The following SLC24A3 variants were observed in gnomAD, a reference collection of about 807,000 sequenced individuals.
The protein encoded by SLC24A3 is solute carrier family 24 member 3.
In SLC24A3, 28 loss-of-function variants were observed where a neutral mutation model predicts 75.8. That is an observed-to-expected ratio of 0.37 (90% CI 0.27 to 0.51). The LOEUF is 0.51. Ranked by LOEUF, SLC24A3 falls within the 20% of genes least tolerant of loss-of-function variation. SLC24A3 has a pLI of 0.94. For synonymous variants in SLC24A3, 372 were observed against 334.1 expected, an observed-to-expected ratio of 1.11 and a Z score of -1.24; for missense variants, 663 against 847.8, an observed-to-expected ratio of 0.78 and a Z score of 2.71.
intron 7 of SLC24A3, among the ~76,000 whole-genome samples, chr20:19,655,565 C>T (rs1287800036): frequency 1.3e-5 from 2 of 152,116 alleles, no homozygotes; most frequent in Admixed American, 1.3e-4. Flanking sequence ...TGTGAGAGTG[C>T]TTTTCAGAGG....
chr20:19,529,783 C>T (rs183977652), intron 3 of SLC24A3, among the ~76,000 whole-genome samples: 24 of 152,270 alleles, frequency 1.6e-4, no homozygotes, highest in African/African-American at 5.8e-4. Context: ...GACCTTACAC[C>T]CTGCTGCCTG....
chr20:19,378,291 A>ATTT (rs1568603583), intron 2 of SLC24A3, among the ~76,000 whole-genome samples: 1,862 of 150,256 alleles, frequency 0.012, 29 homozygotes, highest in African/African-American at 0.044. Flanking sequence ...GGTTTTTTTA[A>ATTT]AAAAAAAAAA....
intron 1 of SLC24A3, among the ~76,000 whole-genome samples, chr20:19,279,194 A>G (rs114366434): frequency 0.023 from 3,436 of 152,294 alleles, 144 homozygotes; most frequent in African/African-American, 0.078. Flanking sequence ...CTCTTCAGTG[A>G]CCACTTCAGA....
In SLC24A3 at chr20:19,456,573, C is replaced by A. The variant is rs1327337805; in HGVS notation, c.272-58915C>A. On this transcript the variant is annotated intron_variant, in intron 2 of 16. Transcript: ENST00000328041. ...CTCTTCATTTTGTAAATTGCCCAGT[C>A]TTTATTGGCAGCGTGAAAATGGACT... 2.0e-5 allele frequency among the ~76,000 whole-genome samples: 3 copies of A among 152,214 alleles called. No homozygotes were observed. The South Asian group carries it at 6.2e-4, about 32-fold the overall frequency.
intron 2 of SLC24A3, among the ~76,000 whole-genome samples, chr20:19,463,514 G>C (rs558349366): frequency 5.3e-5 from 8 of 152,306 alleles, no homozygotes; most frequent in Admixed American, 4.6e-4. Flanking sequence ...CTTGTTTCAA[G>C]ACAGGTCCCC....
At chr20:19,280,877 A>C (rs543504053) in intron 1 of SLC24A3, 82 bp from the exon 2 acceptor site, 1 of 1,517,468 alleles carries the variant, frequency 6.6e-7, no homozygotes, top group African/African-American at 1.4e-5. Flanking sequence ...GTGATGGCTG[A>C]TCAGGGCAGC....
chr20:19,213,109 G>T, intron 1 of SLC24A3, 125 bp downstream of exon 1: 1 of 1,055,654 alleles, frequency 9.5e-7, no homozygotes, highest in South Asian at 4.7e-5. Context: ...CTGGGTTGGC[G>T]GGGGGAGTGG....
At chr20:19,230,298 C>T (rs1981984004) in intron 1 of SLC24A3, among the ~76,000 whole-genome samples, 1 of 152,060 alleles carries the variant, frequency 6.6e-6, no homozygotes, top group Admixed American at 6.6e-5. Flanking sequence ...GCCAACCTTC[C>T]AGTGTTGATG....
In SLC24A3 at chr20:19,342,743, G is replaced by A. The variant is rs372080612; in HGVS notation, c.271+61656G>A. Among the ~76,000 whole-genome samples the A allele has an allele frequency of 4.0e-4, 61 of 152,238 alleles. No homozygotes were observed. In the South Asian group the frequency reaches 0.011, roughly 28 times the overall value. ...GTGGCTTGACGGAAGAGATAACGTC[G>A]AAGGTGGGTCTTTGATAGATGTATA... On this transcript the variant is annotated intron_variant, in intron 2 of 16. Coordinates refer to ENST00000328041, the MANE Select transcript of SLC24A3 (RefSeq NM_020689.4).
intron 2 of SLC24A3, among the ~76,000 whole-genome samples, chr20:19,452,275 C>T (rs191797665): frequency 6.6e-6 from 1 of 152,232 alleles, no homozygotes; most frequent in African/African-American, 2.4e-5. Context: ...ACTATCTAGC[C>T]GTCAGGCTCC....
At chr20:19,605,290 C>T (rs1053489812) in intron 6 of SLC24A3, among the ~76,000 whole-genome samples, 13 of 151,440 alleles carry the variant, frequency 8.6e-5, no homozygotes, top group South Asian at 6.3e-4. Context: ...TGTCTAAAGA[C>T]TTTTACACTG....
At chr20:19,493,240 T>C (rs1203758132) in intron 2 of SLC24A3, among the ~76,000 whole-genome samples, 3 of 152,234 alleles carry the variant, frequency 2.0e-5, no homozygotes, top group Non-Finnish European at 4.4e-5. Flanking sequence ...GTTGGTCACA[T>C]GAGCAGTCAC....
intron 6 of SLC24A3, among the ~76,000 whole-genome samples, chr20:19,595,965 C>T (rs1035102934): frequency 2.6e-5 from 4 of 151,992 alleles, no homozygotes; most frequent in Admixed American, 6.5e-5. Context: ...TTGACATGTT[C>T]GAGGATCATG....
At chr20:19,315,903 C>A (rs1310327834) in intron 2 of SLC24A3, among the ~76,000 whole-genome samples, 3 of 152,254 alleles carry the variant, frequency 2.0e-5, no homozygotes, top group Admixed American at 2.0e-4. Context: ...AGCATCGTCA[C>A]TTAGCCTAGC....
rs557866047 is a variant in SLC24A3, at chr20:19,217,737, A to T, written c.142+4753A>T. 4.0e-5 allele frequency among the ~76,000 whole-genome samples: 6 copies of T among 151,566 alleles called. No individual in the cohort carries two copies. The South Asian group carries it at 1.0e-3, about 26-fold the overall frequency. On this transcript the variant is annotated intron_variant, in intron 1 of 16. Transcript: ENST00000328041. ...CCCTCTTCTATTTCCATGCATCCCC[A>T]CTCTGGTTTTTCCTCTGCTCCTCAA...
intron 1 of SLC24A3, among the ~76,000 whole-genome samples, chr20:19,263,011 G>A (rs76976359): frequency 4.0e-5 from 6 of 148,196 alleles, no homozygotes; most frequent in East Asian, 4.0e-4. Flanking sequence ...AGAATCCCTC[G>A]CTCCATCACC....
intron 2 of SLC24A3, among the ~76,000 whole-genome samples, chr20:19,508,862 G>A (rs1988497612): frequency 6.6e-6 from 1 of 152,240 alleles, no homozygotes; most frequent in Non-Finnish European, 1.5e-5. Flanking sequence ...TGGGCCATGT[G>A]GCCCCAACAG....
intron 2 of SLC24A3, among the ~76,000 whole-genome samples, chr20:19,434,680 T>C (rs896390643): frequency 1.3e-5 from 2 of 152,328 alleles, no homozygotes; most frequent in Non-Finnish European, 2.9e-5. Flanking sequence ...GGATGGTTAT[T>C]TGTTCTTGGC....
In SLC24A3 at chr20:19,245,697, G is replaced by A. The variant is rs374815032; in HGVS notation, c.142+32713G>A. The stretch of plus-strand genomic sequence containing the variant: ...ACTATCCAATAAAGTTGATTTAAGA[G>A]CAAAACATTATTATTTGAGACGATT... On this transcript the variant is annotated intron_variant, in intron 1 of 16. Coordinates refer to ENST00000328041, the MANE Select transcript of SLC24A3 (RefSeq NM_020689.4). Among the ~76,000 whole-genome samples, 12 of 152,164 alleles carry A rather than the reference G, an allele frequency of 7.9e-5. No homozygotes were observed. The East Asian group carries it at 1.9e-3, about 25-fold the overall frequency.
Sources: allele counts gnomAD v4.1 joint callset (sites outside exome capture counted in the v4.1 genomes callset), GRCh38; gene constraint gnomAD v4.1.1; transcripts MANE v1.5; gene names NCBI Gene and HGNC (gene_info 2026-07-23, HGNC 2026-07-21).